Variants in NMBR observed in about 807,000 individuals in gnomAD.
NMBR encodes the protein neuromedin-B receptor.
A neutral mutation model predicts 20.5 loss-of-function variants in NMBR; 16 were observed. The observed-to-expected ratio is 0.78, with a 90% CI of 0.53 to 1.19. The LOEUF (loss-of-function observed/expected upper bound fraction) is 1.19, where lower values mean the gene tolerates loss of function less well. Among genes scored for constraint, NMBR ranks in the 50% most tolerant of loss-of-function variants. The probability of loss-of-function intolerance (pLI) is 0.00; values close to 1 mark genes in which losing one functional copy is unlikely to be tolerated. For synonymous variants in NMBR, 212 were observed against 196.6 expected, an observed-to-expected ratio of 1.08 and a Z score of -0.65; for missense variants, 582 against 499.1, an observed-to-expected ratio of 1.17 and a Z score of -1.58.
intron 1 of NMBR, among the ~76,000 whole-genome samples, chr6:142,093,405 TG>T (rs1420826252): frequency 6.7e-6 from 1 of 149,838 alleles, no homozygotes; most frequent in African/African-American, 2.5e-5. Context: ...ATGCAGTGTT[TG>T]GTTTTTTGTC....
intron 1 of NMBR, among the ~76,000 whole-genome samples, chr6:142,106,381 G>A (rs1022393031): frequency 5.9e-5 from 9 of 152,072 alleles, no homozygotes; most frequent in African/African-American, 1.7e-4. Context: ...CCCAAATCCC[G>A]AGGCTCTAAT....
chr6:142,129,806 CGAATCCT>C (rs2114605573), intron 1 of NMBR, among the ~76,000 whole-genome samples: 1 of 152,160 alleles, frequency 6.6e-6, no homozygotes, highest in African/African-American at 2.4e-5. Flanking sequence ...AAATGTTCTC[CGAATCCT>C]TTCATAATCC....
intron 1 of NMBR, among the ~76,000 whole-genome samples, chr6:142,111,071 C>G (rs929277327): frequency 2.0e-5 from 3 of 152,086 alleles, no homozygotes; most frequent in Admixed American, 1.3e-4. Flanking sequence ...GAAATCCTGT[C>G]TCTACTGAAA....
chr6:142,141,886 A>C (rs1778368572), intron 1 of NMBR, among the ~76,000 whole-genome samples: 2 of 152,134 alleles, frequency 1.3e-5, no homozygotes, highest in Non-Finnish European at 2.9e-5. Context: ...GTGATATAAA[A>C]CCCAAAGACA....
chr6:142,075,773 C>T lies in NMBR; in HGVS notation c.1048G>A (p.Gly350Arg). The T allele has an allele frequency of 6.2e-7, 1 of 1,614,042 alleles. No homozygotes were observed. The highest frequency in any genetic ancestry group is 8.5e-7 in the Non-Finnish European group (1 of 1,179,954). The change falls in exon 4 of 4, where the codon GGA becomes AGA. Residue 350 changes from glycine to arginine, a missense_variant. Physicochemically the swap from Gly to Arg is moderately radical, Grantham distance 125. Coordinates refer to ENST00000258042, the MANE Select transcript of NMBR (RefSeq NM_002511.4). ...CCGRKSYQER[G>R]TSYLLSSSAV... ...GAAGAGCTGAGTAGGTAGCTGGTTC[C>T]TCTCTCTTGATAGGACTTCCTCCCA...
chr6:142,137,785 G>A lies in NMBR; in HGVS notation c.-664+9259C>T, dbSNP rs577778993. ...TTTTTGTCTTTGGTTCTGTTTATAT[G>A]CTGGATTACATTTATTGATTTGCGC... On this transcript the variant is annotated intron_variant, in intron 1 of 3. Coordinates refer to ENST00000258042, the MANE Select transcript of NMBR (RefSeq NM_002511.4). Among the ~76,000 whole-genome samples, 22 of 152,174 alleles carry A rather than the reference G, an allele frequency of 1.4e-4. No homozygotes were observed. In the East Asian group the frequency reaches 4.1e-3, roughly 28 times the overall value.
rs111926469 is a variant in NMBR at position 142,107,582 on chromosome 6, C to G, written c.-663-18261G>C. Reference sequence around the variant, plus strand: ...AAATAGACATTATTGAAATGGTACACCTTGTTACTAAAAAATCCAACAAGT... The same window carrying G: ...AAATAGACATTATTGAAATGGTACAGCTTGTTACTAAAAAATCCAACAAGT... On this transcript the variant is annotated intron_variant, in intron 1 of 3. Coordinates refer to ENST00000258042, the MANE Select transcript of NMBR (RefSeq NM_002511.4). Among the ~76,000 whole-genome samples the G allele has an allele frequency of 8.6e-3, 1,303 of 152,220 alleles. 21 individuals carry two copies. The highest frequency in any genetic ancestry group is 0.029 in the African/African-American group (1,222 of 41,522).
At chr6:142,076,823 A>G (rs1339433757) in intron 3 of NMBR, among the ~76,000 whole-genome samples, 2 of 152,252 alleles carry the variant, frequency 1.3e-5, no homozygotes, top group Admixed American at 6.5e-5. Flanking sequence ...CAACATGGAC[A>G]TGGAATACCA....
Position 142,096,052 on chromosome 6 carries a change from T to C in NMBR, c.-663-6731A>G, listed in dbSNP as rs561608990. Among the ~76,000 whole-genome samples, 37 of 152,328 alleles carry C rather than the reference T, an allele frequency of 2.4e-4. 1 individual carries two copies. The East Asian group carries it at 6.9e-3, about 29-fold the overall frequency. On this transcript the variant is annotated intron_variant, in intron 1 of 3. Transcript: ENST00000258042. ...TTTGATTCTTCTCTCTTTTCTTCTTTATTAGTCTTGCTAGCAGTCTATCAA... is the reference window on the plus strand; with the variant it reads ...TTTGATTCTTCTCTCTTTTCTTCTTCATTAGTCTTGCTAGCAGTCTATCAA...
intron 1 of NMBR, among the ~76,000 whole-genome samples, chr6:142,111,405 C>A (rs944348225): frequency 6.6e-6 from 1 of 151,834 alleles, no homozygotes. Flanking sequence ...TTGTTGGAAC[C>A]CAAACAAAAT....
chr6:142,121,150 C>A (rs1371672713), intron 1 of NMBR, among the ~76,000 whole-genome samples: 3 of 151,868 alleles, frequency 2.0e-5, no homozygotes, highest in Non-Finnish European at 4.4e-5. Flanking sequence ...ACCTCGAAAA[C>A]TGCCTATACA....
At chr6:142,126,532 T>C (rs1365125317) in intron 1 of NMBR, among the ~76,000 whole-genome samples, 1 of 151,920 alleles carries the variant, frequency 6.6e-6, no homozygotes, top group Non-Finnish European at 1.5e-5. Flanking sequence ...CCACCAACAG[T>C]GTGTACAAGT....
chr6:142,134,428 AT>A, intron 1 of NMBR: 1 of 442,898 alleles, frequency 2.3e-6, no homozygotes. Flanking sequence ...GAAACTTGGA[AT>A]TTTTAAATTA....
intron 1 of NMBR, among the ~76,000 whole-genome samples, chr6:142,100,922 A>G (rs1777549801): frequency 6.6e-6 from 1 of 152,216 alleles, no homozygotes; most frequent in Admixed American, 6.5e-5. Context: ...TTATAAAAAG[A>G]GAATTGTATT....
chr6:142,099,569 CAT>C (rs1426245757), intron 1 of NMBR, among the ~76,000 whole-genome samples: 1 of 152,116 alleles, frequency 6.6e-6, no homozygotes, highest in African/African-American at 2.4e-5. Flanking sequence ...CCTCCCCCGA[CAT>C]GTGCAGATTG....
chr6:142,138,642 T>G (rs548715307), intron 1 of NMBR, among the ~76,000 whole-genome samples: 1 of 152,276 alleles, frequency 6.6e-6, no homozygotes, highest in African/African-American at 2.4e-5. Flanking sequence ...TATCCTTATT[T>G]TTAAATTCTC....
At chr6:142,101,650 C>T (rs1190216626) in intron 1 of NMBR, among the ~76,000 whole-genome samples, 2 of 152,068 alleles carry the variant, frequency 1.3e-5, no homozygotes, top group African/African-American at 4.8e-5. Flanking sequence ...GCATAAGTGA[C>T]TCTAATTTGG....
chr6:142,090,622 G>A lies in NMBR; in HGVS notation c.-663-1301C>T, dbSNP rs1777305138. On this transcript the variant is annotated intron_variant, in intron 1 of 3. Transcript: ENST00000258042. ...AAAATTATACACATATATAGAGGGA[G>A]AGGGAGCAAGAGAAAGAGGAAAAGA... 2.0e-5 allele frequency among the ~76,000 whole-genome samples: 3 copies of A among 150,376 alleles called. 1 individual carries two copies. Among genetic ancestry groups the A allele is most frequent in the South Asian group, 4.2e-4 (2 of 4,806 alleles).
intron 1 of NMBR, among the ~76,000 whole-genome samples, chr6:142,136,086 G>A (rs887057090): frequency 7.7e-4 from 118 of 152,264 alleles, no homozygotes; most frequent in Non-Finnish European, 1.5e-3. Context: ...CTTCCACAAG[G>A]GTTGAACTAG....
Sources: allele counts gnomAD v4.1 joint callset (sites outside exome capture counted in the v4.1 genomes callset), GRCh38; gene constraint gnomAD v4.1.1; transcripts MANE v1.5; gene names NCBI Gene and HGNC (gene_info 2026-07-23, HGNC 2026-07-21).